The following ROBO1 variants were observed in gnomAD, a reference collection of about 807,000 sequenced individuals.
ROBO1 encodes roundabout guidance receptor 1, also known as roundabout homolog 1.
In ROBO1, 149 loss-of-function variants were observed where a neutral mutation model predicts 195.9. That is an observed-to-expected ratio of 0.76 (90% CI 0.67 to 0.87). ROBO1 has a LOEUF of 0.87. ROBO1 is among the 40% of genes least tolerant of loss of function. ROBO1 has a pLI of 0.00. For synonymous variants in ROBO1, 816 were observed against 733.2 expected (o/e 1.11, Z -1.82); for missense variants, 1,933 against 2,068.3 (o/e 0.93, Z 1.27).
intron 7 of ROBO1, chr3:78,714,955 A>G (rs1422743535): frequency 1.3e-5 from 2 of 153,030 alleles, no homozygotes; most frequent in African/African-American, 4.8e-5. Flanking sequence ...TAGGAGGTAA[A>G]GGAACTTGGC....
chr3:79,386,364 A>G (rs975738449), intron 2 of ROBO1, among the ~76,000 whole-genome samples: 2 of 152,154 alleles, frequency 1.3e-5, no homozygotes, highest in African/African-American at 4.8e-5. Context: ...AATAAAATGT[A>G]TAGATATTCT....
chr3:78,910,021 G>A (rs114968526), intron 4 of ROBO1, among the ~76,000 whole-genome samples: 320 of 151,680 alleles, frequency 2.1e-3, no homozygotes, highest in African/African-American at 7.2e-3. Flanking sequence ...TCAGACCTCC[G>A]TAGACACATT....
intron 3 of ROBO1, among the ~76,000 whole-genome samples, chr3:78,999,200 C>A (rs2077438146): frequency 6.6e-6 from 1 of 151,840 alleles, no homozygotes; most frequent in East Asian, 1.9e-4. Context: ...CTATTCAAGC[C>A]CCAAATCCCA....
At chr3:79,622,666 A>T (rs1229878937) in intron 1 of ROBO1, among the ~76,000 whole-genome samples, 3 of 152,206 alleles carry the variant, frequency 2.0e-5, no homozygotes, top group Non-Finnish European at 4.4e-5. Context: ...CCAGAGGCTC[A>T]GGGATGGAAC....
chr3:79,633,064 T>C (rs1945390210), intron 1 of ROBO1, among the ~76,000 whole-genome samples: 1 of 151,966 alleles, frequency 6.6e-6, no homozygotes, highest in South Asian at 2.1e-4. Context: ...GGTTAAAACA[T>C]GTTATACAAT....
chr3:78,825,233 G>A (rs1052819489), intron 4 of ROBO1, among the ~76,000 whole-genome samples: 4 of 152,134 alleles, frequency 2.6e-5, no homozygotes, highest in African/African-American at 7.2e-5. Flanking sequence ...CCGATAGTAA[G>A]GAACATAATA....
Position 78,630,037 on chromosome 3 carries a change from C to T in ROBO1, c.3626+1124G>A, listed in dbSNP as rs114656808. On this transcript the variant is annotated intron_variant, in intron 25 of 30. Coordinates refer to ENST00000464233, the MANE Select transcript of ROBO1 (RefSeq NM_002941.4). ...GCTGAAGGGCTTGTTAGTGTTTCCA[C>T]GCCCTAGAAGGCTGTAATGTGCCTT... Among the ~76,000 whole-genome samples, 1,465 of 152,278 alleles carry T rather than the reference C, an allele frequency of 9.6e-3. 8 individuals are homozygous for T. The highest frequency in any genetic ancestry group is 0.014 in the Non-Finnish European group (926 of 68,028).
chr3:79,002,387 T>C (rs1005880861), intron 3 of ROBO1, among the ~76,000 whole-genome samples: 1 of 152,170 alleles, frequency 6.6e-6, no homozygotes, highest in South Asian at 2.1e-4. Context: ...ATTTTGCTGC[T>C]TTCTTGGAAA....
chr3:79,407,940 C>G (rs1310155348), intron 2 of ROBO1, among the ~76,000 whole-genome samples: 1 of 152,060 alleles, frequency 6.6e-6, no homozygotes. Context: ...GTTCTATAAA[C>G]TAGACACTTA....
At chr3:78,892,888 A>G (rs992800298) in intron 4 of ROBO1, among the ~76,000 whole-genome samples, 4 of 152,142 alleles carry the variant, frequency 2.6e-5, no homozygotes, top group Non-Finnish European at 4.4e-5. Flanking sequence ...AAAGATAAAT[A>G]TCGCCCATTT....
intron 2 of ROBO1, among the ~76,000 whole-genome samples, chr3:79,503,140 C>T (rs550152102): frequency 2.0e-5 from 3 of 152,302 alleles, no homozygotes; most frequent in Admixed American, 1.3e-4. Flanking sequence ...CCATTATGAG[C>T]TGTAACACTC....
chr3:79,437,076 C>T (rs939294444), intron 2 of ROBO1, among the ~76,000 whole-genome samples: 1 of 152,012 alleles, frequency 6.6e-6, no homozygotes, highest in Non-Finnish European at 1.5e-5. Flanking sequence ...TGTCATTAAT[C>T]TCTAAATCAT....
intron 23 of ROBO1, chr3:78,634,553 A>C: frequency 3.1e-6 from 1 of 323,140 alleles, no homozygotes; most frequent in Non-Finnish European, 6.5e-6. Context: ...TACAAGCAGT[A>C]TAAACAATAA....
Position 78,636,071 on chromosome 3 carries a change from G to C in ROBO1, c.3075C>G (p.Asn1025Lys), listed in dbSNP as rs776771732. 6.2e-7 allele frequency: 1 copy of C among 1,613,226 alleles called. No individual in the cohort carries two copies. The highest frequency in any genetic ancestry group is 8.5e-7 in the Non-Finnish European group (1 of 1,179,362). Residue 1025 changes from asparagine (N) to lysine (K), a missense_variant, in exon 23 of 31, where the codon AAC becomes AAG. Physicochemically the swap from Asn to Lys is moderately conservative, Grantham distance 94. Around this residue, in one of 3 missense-constraint regions of ROBO1, gnomAD observed 1,737 missense variants for 1,882.5 expected, o/e 0.92. Coordinates refer to ENST00000464233, the MANE Select transcript of ROBO1 (RefSeq NM_002941.4). ...CIANYNNQLD[N>K]KQTNLMLPES... is the part of the protein sequence containing the mutation. The stretch of plus-strand genomic sequence containing the variant: ...CAGGGAGCATCAGATTTGTTTGTTT[G>C]TTATCCAGTTGGTTGTTATAATTTG...
intron 3 of ROBO1, among the ~76,000 whole-genome samples, chr3:79,071,334 T>A (rs2079084873): frequency 6.6e-6 from 1 of 151,872 alleles, no homozygotes; most frequent in Non-Finnish European, 1.5e-5. Flanking sequence ...TCCTTATTTA[T>A]CACTTTGGTT....
chr3:79,609,650 C>A (rs1160957616), intron 1 of ROBO1, among the ~76,000 whole-genome samples: 1 of 151,760 alleles, frequency 6.6e-6, no homozygotes, highest in Non-Finnish European at 1.5e-5. Context: ...GTATAACATA[C>A]AATGGAGTAT....
chr3:78,602,045 AGTGT>A (rs10542402), intron 29 of ROBO1, among the ~76,000 whole-genome samples: 6,762 of 149,648 alleles, frequency 0.045, 185 homozygotes, highest in Middle Eastern at 0.09. Context: ...CATGTGTGTG[AGTGT>A]GTGTGTGTGT....
intron 10 of ROBO1, among the ~76,000 whole-genome samples, chr3:78,674,096 T>G (rs1708256341): frequency 6.6e-6 from 1 of 152,152 alleles, no homozygotes; most frequent in Admixed American, 6.5e-5. Flanking sequence ...ACGAATGATT[T>G]TAAATTTTAT....
At chr3:79,640,321 T>A (rs1437073292) in intron 1 of ROBO1, among the ~76,000 whole-genome samples, 1 of 40,950 alleles carries the variant, frequency 2.4e-5, no homozygotes, top group Non-Finnish European at 5.0e-5. Context: ...AAATTAAAAA[T>A]TTTCCTCTCT....
Sources: gnomAD v4.1 joint callset for allele counts (sites outside exome capture counted in the v4.1 genomes callset) on GRCh38, gnomAD v4.1.1 for gene constraint, gnomAD v4.1.1 regional missense constraint, MANE v1.5 for transcripts, NCBI Gene and HGNC (gene_info 2026-07-23, HGNC 2026-07-21) for gene names.